Variants in ATRNL1 observed in about 807,000 individuals in gnomAD.
ATRNL1 encodes attractin-like protein 1.
In ATRNL1, 95 loss-of-function variants were observed where a neutral mutation model predicts 182.7. The observed-to-expected ratio is 0.52, with a 90% CI of 0.44 to 0.62. ATRNL1 has a LOEUF of 0.62. Among genes scored for constraint, ATRNL1 ranks in the 20% least tolerant of loss-of-function variants. ATRNL1 has a pLI of 0.00. For synonymous variants in ATRNL1, 576 were observed against 568.3 expected (o/e 1.01, Z -0.19); for missense variants, 1,471 against 1,679.5 (o/e 0.88, Z 2.17).
chr10:115,772,047 A>G (rs782436819), intron 27 of ATRNL1, among the ~76,000 whole-genome samples: 1 of 152,196 alleles, frequency 6.6e-6, no homozygotes, highest in Non-Finnish European at 1.5e-5. Flanking sequence ...CAGGATAGAC[A>G]GTCCTTACAA....
At chr10:115,139,339 TGTATTAG>T (rs1845661427) in intron 5 of ATRNL1, among the ~76,000 whole-genome samples, 1 of 152,182 alleles carries the variant, frequency 6.6e-6, no homozygotes. Context: ...ACCAATTTAC[TGTATTAG>T]TCTGTTTTCA....
intron 19 of ATRNL1, among the ~76,000 whole-genome samples, chr10:115,336,943 T>C (rs1475913785): frequency 6.6e-6 from 1 of 150,820 alleles, no homozygotes; most frequent in Non-Finnish European, 1.5e-5. Context: ...TGTCCTGGGT[T>C]CAAGCAATTC....
At chr10:115,377,831 C>G (rs1021893431) in intron 19 of ATRNL1, among the ~76,000 whole-genome samples, 1 of 152,168 alleles carries the variant, frequency 6.6e-6, no homozygotes, top group Non-Finnish European at 1.5e-5. Context: ...GATGATGACA[C>G]TGCTACTGGG....
chr10:115,537,787 T>C (rs1263751295), intron 25 of ATRNL1, among the ~76,000 whole-genome samples: 8 of 152,158 alleles, frequency 5.3e-5, no homozygotes, highest in African/African-American at 1.9e-4. Context: ...GTGTGAGTTT[T>C]AACACATGCA....
chr10:115,824,657 C>T (rs1290232085), intron 27 of ATRNL1, among the ~76,000 whole-genome samples: 2 of 151,994 alleles, frequency 1.3e-5, no homozygotes, highest in East Asian at 1.9e-4. Context: ...TGCCAACAAA[C>T]ATATGAAAAA....
chr10:115,806,694 A>C (rs1260110379), intron 27 of ATRNL1, among the ~76,000 whole-genome samples: 1 of 152,176 alleles, frequency 6.6e-6, no homozygotes, highest in Non-Finnish European at 1.5e-5. Context: ...ATGGTTAAGA[A>C]GGTAAATTCT....
At chr10:115,768,729 CATTTT>C (rs1948918449) in intron 27 of ATRNL1, among the ~76,000 whole-genome samples, 1 of 151,974 alleles carries the variant, frequency 6.6e-6, no homozygotes, top group Non-Finnish European at 1.5e-5. Context: ...TAACTTAGCT[CATTTT>C]ATTTTATTTC....
chr10:115,230,911 G>GAGAGAGAGAGAGAGAGAA (rs1849911770), intron 9 of ATRNL1, among the ~76,000 whole-genome samples: 13 of 112,076 alleles, frequency 1.2e-4, no homozygotes, highest in Admixed American at 2.5e-4. Flanking sequence ...GAGAGAGAGA[G>GAGAGAGAGAGAGAGAGAA]AGAGAGAGAG....
chr10:115,786,121 T>C (rs1555080383), intron 27 of ATRNL1, among the ~76,000 whole-genome samples: 1 of 152,200 alleles, frequency 6.6e-6, no homozygotes, highest in Non-Finnish European at 1.5e-5. Flanking sequence ...AAATCACCTT[T>C]AACATTTATA....
intron 27 of ATRNL1, among the ~76,000 whole-genome samples, chr10:115,846,885 T>A (rs1950941119): frequency 6.6e-6 from 1 of 152,126 alleles, no homozygotes; most frequent in Non-Finnish European, 1.5e-5. Context: ...CTGAGCAAGC[T>A]TTGTTAACCT....
At chr10:115,869,549 T>G (rs1951527602) in intron 28 of ATRNL1, among the ~76,000 whole-genome samples, 1 of 152,192 alleles carries the variant, frequency 6.6e-6, no homozygotes, top group Admixed American at 6.5e-5. Context: ...ATTTCTCTTC[T>G]ACTGTTCATT....
At chr10:115,360,642 C>G (rs1274988647) in intron 19 of ATRNL1, among the ~76,000 whole-genome samples, 1 of 150,114 alleles carries the variant, frequency 6.7e-6, no homozygotes, top group East Asian at 1.9e-4. Context: ...ATTTTTGAGG[C>G]CTTCTTAGTC....
chr10:115,154,598 T>C (rs1554881615), intron 5 of ATRNL1, among the ~76,000 whole-genome samples: 2 of 152,018 alleles, frequency 1.3e-5, no homozygotes. Context: ...TGAGTTTTCT[T>C]TTGTGTCCTA....
At chr10:115,529,544 T>C (rs1427673419) in intron 25 of ATRNL1, among the ~76,000 whole-genome samples, 1 of 151,098 alleles carries the variant, frequency 6.6e-6, no homozygotes, top group East Asian at 1.9e-4. Context: ...TCTTTTATTT[T>C]CCTTTTAGCA....
At chr10:115,223,887 A>ATGTGTGTGTGTGTG (rs1185815693) in intron 9 of ATRNL1, among the ~76,000 whole-genome samples, 2 of 80,112 alleles carry the variant, frequency 2.5e-5, no homozygotes, top group African/African-American at 1.1e-4. Flanking sequence ...TATTTAATAT[A>ATGTGTGTGTGTGTG]TGTGTGTGTG....
chr10:115,563,183 A>G (rs1248221249), intron 26 of ATRNL1, among the ~76,000 whole-genome samples: 1 of 152,160 alleles, frequency 6.6e-6, no homozygotes, highest in Non-Finnish European at 1.5e-5. Flanking sequence ...CGCCTGTTAA[A>G]GCAACAGTGT....
intron 26 of ATRNL1, among the ~76,000 whole-genome samples, chr10:115,709,668 AAAG>A (rs1333538256): frequency 7.9e-5 from 12 of 152,010 alleles, no homozygotes; most frequent in African/African-American, 2.9e-4. Context: ...TTTATAGTAT[AAAG>A]AAGAAGGATA....
intron 26 of ATRNL1, among the ~76,000 whole-genome samples, chr10:115,550,012 C>A (rs782275070): frequency 2.6e-5 from 4 of 151,750 alleles, no homozygotes; most frequent in Non-Finnish European, 5.9e-5. Context: ...AATAATCCAA[C>A]TCTGTTTAAA....
chr10:115,708,739 T>G (rs938681493), intron 26 of ATRNL1, among the ~76,000 whole-genome samples: 5 of 151,752 alleles, frequency 3.3e-5, no homozygotes, highest in Admixed American at 1.3e-4. Context: ...GCTGAAATGT[T>G]AGCAAGAAAA....
Sources: gnomAD v4.1 joint callset for allele counts (sites outside exome capture counted in the v4.1 genomes callset) on GRCh38, gnomAD v4.1.1 for gene constraint, MANE v1.5 for transcripts, NCBI Gene and HGNC (gene_info 2026-07-23, HGNC 2026-07-21) for gene names.